The following IL7 variants were observed in gnomAD, a reference collection of about 807,000 sequenced individuals.
IL7 encodes the protein interleukin-7.
A neutral mutation model predicts 21.6 loss-of-function variants in IL7; 3 were observed. The observed-to-expected ratio is 0.14, with a 90% CI of 0.06 to 0.36. The LOEUF (loss-of-function observed/expected upper bound fraction) is 0.36, where lower values mean the gene tolerates loss of function less well. Ranked by LOEUF, IL7 falls within the 10% of genes least tolerant of loss-of-function variation. The pLI is 1.00. For missense variants in IL7, 175 were observed against 200.2 expected (o/e 0.87, Z 0.76); for synonymous variants, 62 against 68.1 (o/e 0.91, Z 0.44).
intron 2 of IL7, among the ~76,000 whole-genome samples, chr8:78,789,554 G>C (rs968500804): frequency 3.3e-5 from 5 of 152,008 alleles, no homozygotes; most frequent in Non-Finnish European, 7.4e-5. Context: ...CTTCATTAAA[G>C]AGTTTTTAAA....
intron 3 of IL7, among the ~76,000 whole-genome samples, chr8:78,701,726 C>A (rs767211658): frequency 6.6e-6 from 1 of 152,116 alleles, no homozygotes; most frequent in Non-Finnish European, 1.5e-5. Flanking sequence ...TATTGAAAAC[C>A]TTTTCGTCAT....
intron 5 of IL7, among the ~76,000 whole-genome samples, chr8:78,720,427 A>C (rs1403508538): frequency 6.6e-6 from 1 of 151,854 alleles, no homozygotes; most frequent in Non-Finnish European, 1.5e-5. Context: ...ATTTAGAAAA[A>C]TTTCAGTTAA....
intron 2 of IL7, among the ~76,000 whole-genome samples, chr8:78,766,468 G>A (rs1455867547): frequency 6.6e-6 from 1 of 152,102 alleles, no homozygotes; most frequent in Non-Finnish European, 1.5e-5. Flanking sequence ...CTATGCCTAT[G>A]CGTGTTAGGT....
At chr8:78,777,656 A>G (rs896664786) in intron 2 of IL7, among the ~76,000 whole-genome samples, 3 of 152,078 alleles carry the variant, frequency 2.0e-5, no homozygotes, top group Admixed American at 1.3e-4. Flanking sequence ...AATATCATCA[A>G]TCACATACTC....
chr8:78,705,583 T>C (rs1003783021), intron 3 of IL7, among the ~76,000 whole-genome samples: 1 of 152,152 alleles, frequency 6.6e-6, no homozygotes, highest in African/African-American at 2.4e-5. Context: ...AATAAAGCAG[T>C]CTGGCCACAT....
chr8:78,698,566 G>T, intron 3 of IL7: 1 of 1,299,424 alleles, frequency 7.7e-7, no homozygotes, highest in South Asian at 1.5e-5. Flanking sequence ...ACGATACTAA[G>T]GTTTTGTTAT....
At chr8:78,676,143 A>C in intron 4 of IL7, 2 of 236,592 alleles carry the variant, frequency 8.5e-6, no homozygotes, top group Non-Finnish European at 8.0e-6. Flanking sequence ...AAAAAACAAA[A>C]TCAGATACCT....
At position 78,775,988 on chromosome 8, in the gene IL7, T is replaced by C. The variant is rs143676786; in HGVS notation, c.147+22084A>G. Among the ~76,000 whole-genome samples, 520 of 152,208 alleles carry C rather than the reference T, an allele frequency of 3.4e-3. 2 individuals carry two copies. The highest frequency in any genetic ancestry group is 0.012 in the African/African-American group (486 of 41,572). The stretch of plus-strand genomic sequence containing the variant: ...GATACTTTCCAAGGCCACCAGTGGA[T>C]GCCTGAGACCATACATGGTACCAGA... On this transcript the variant is annotated intron_variant, in intron 2 of 5. Transcript: ENST00000263851.
chr8:78,713,765 A>C (rs1240161615), downstream of IL7, among the ~76,000 whole-genome samples: 1 of 152,234 alleles, frequency 6.6e-6, no homozygotes, highest in Non-Finnish European at 1.5e-5. Context: ...TCTGTAATAC[A>C]GCCCACTTAA....
chr8:78,736,643 T>C, intron 4 of IL7, 116 bp from the exon 5 acceptor site: 1 of 580,406 alleles, frequency 1.7e-6, no homozygotes, highest in Non-Finnish European at 3.1e-6. Flanking sequence ...GAGACTCTAC[T>C]TTAAATTTCT....
chr8:78,744,983 G>A (rs1003926139), intron 2 of IL7, among the ~76,000 whole-genome samples: 1 of 152,196 alleles, frequency 6.6e-6, no homozygotes, highest in Non-Finnish European at 1.5e-5. Flanking sequence ...CATGGGTCAA[G>A]TTGTTTCCTT....
intron 5 of IL7, among the ~76,000 whole-genome samples, chr8:78,734,745 C>T (rs888846003): frequency 6.6e-6 from 1 of 152,076 alleles, no homozygotes; most frequent in Non-Finnish European, 1.5e-5. Context: ...ATTGGGTATT[C>T]TCTCAGTCAT....
Position 78,798,177 on chromosome 8 carries a change from G to C in IL7, c.42C>G (p.Pro14=). Residue 14 remains proline, a synonymous_variant, in exon 2 of 6, where the codon CCC becomes CCG. Coordinates refer to ENST00000263851, the MANE Select transcript of IL7 (RefSeq NM_000880.4). The part of the protein sequence containing the change: ...VSFRYIFGLP[P]LILVLLPVAS... The stretch of plus-strand genomic sequence containing the variant: ...CTACTGGCAACAGAACAAGGATCAG[G>C]GGAGGAAGTCCAAAGATATACCTAA... 1.2e-6 allele frequency: 2 copies of C among 1,611,440 alleles called. No individual in the cohort carries two copies. The highest frequency in any genetic ancestry group is 1.7e-6 in the Non-Finnish European group (2 of 1,178,054).
chr8:78,759,931 G>A (rs1812491169), intron 2 of IL7, among the ~76,000 whole-genome samples: 1 of 152,126 alleles, frequency 6.6e-6, no homozygotes, highest in African/African-American at 2.4e-5. Flanking sequence ...AAGGAAACAT[G>A]GAACTTTCAA....
chr8:78,738,545 CTT>C lies in IL7; in HGVS notation c.317_318del (p.Lys106SerfsTer16). ...AACAGTATTGTTGTGCCTTCTGAAA[CTT>C]TTAATAAGTGGAGATCAAAATCACC... ...STGDFDLHLLKVSEGTTILLN... is the reference protein window; with the variant it reads ...STGDFDLHLLXVSEGTTILLN... On this transcript the variant is annotated frameshift_variant, in exon 4 of 6. Coordinates refer to ENST00000263851, the MANE Select transcript of IL7 (RefSeq NM_000880.4). LOFTEE classifies it high-confidence loss of function. The C allele has an allele frequency of 6.2e-7, 1 of 1,613,694 alleles. No homozygotes were observed. Among genetic ancestry groups the C allele is most frequent in the Non-Finnish European group, 8.5e-7 (1 of 1,179,688 alleles).
chr8:78,769,889 C>A (rs976779064), intron 2 of IL7, among the ~76,000 whole-genome samples: 3 of 152,108 alleles, frequency 2.0e-5, no homozygotes, highest in Non-Finnish European at 2.9e-5. Flanking sequence ...CACACATCTA[C>A]AACAATCTGA....
intron 2 of IL7, among the ~76,000 whole-genome samples, chr8:78,754,973 T>C (rs767227232): frequency 1.3e-5 from 2 of 152,120 alleles, no homozygotes; most frequent in Non-Finnish European, 1.5e-5. Flanking sequence ...GGGTTTCATG[T>C]TTAAGTCTTT....
chr8:78,760,737 A>G (rs1366424940), intron 2 of IL7: 4 of 1,573,852 alleles, frequency 2.5e-6, no homozygotes, highest in Non-Finnish European at 3.5e-6. Flanking sequence ...TGAGATTCCA[A>G]GTTACCCTGG....
intron 3 of IL7, chr8:78,712,127 T>G: frequency 8.0e-7 from 1 of 1,247,914 alleles, no homozygotes. Flanking sequence ...GTAACTCAGT[T>G]TGGTTAATAT....
Sources: allele counts gnomAD v4.1 joint callset (sites outside exome capture counted in the v4.1 genomes callset), GRCh38; gene constraint gnomAD v4.1.1; transcripts MANE v1.5; gene names NCBI Gene and HGNC (gene_info 2026-07-23, HGNC 2026-07-21).